The following RASAL1 variants were observed in gnomAD, a reference collection of about 807,000 sequenced individuals.
RASAL1 encodes rasGAP-activating-like protein 1.
In RASAL1, 72 loss-of-function variants were observed where a neutral mutation model predicts 96.6. That is an observed-to-expected ratio of 0.75 (90% CI 0.62 to 0.91). The LOEUF (loss-of-function observed/expected upper bound fraction) is 0.91, where lower values mean the gene tolerates loss of function less well. Among genes scored for constraint, RASAL1 ranks in the 40% least tolerant of loss-of-function variants. The pLI is 0.00. For missense variants in RASAL1, 1,016 were observed against 1,072.5 expected, an observed-to-expected ratio of 0.95 and a Z score of 0.74; for synonymous variants, 405 against 430.4, an observed-to-expected ratio of 0.94 and a Z score of 0.73.
At position 113,115,727 on chromosome 12, in the gene RASAL1, T is replaced by A. The variant is rs756669360; in HGVS notation, c.911A>T (p.Asp304Val). 3 of 1,613,754 alleles carry A rather than the reference T, an allele frequency of 1.9e-6. No homozygotes were observed. Among genetic ancestry groups the A allele is most frequent in the East Asian group, 4.5e-5 (2 of 44,874 alleles). The change falls in exon 10 of 21, where the codon GAC becomes GTC. Residue 304 changes from aspartate to valine, a missense_variant. Transcript: ENST00000548055. The surrounding 1 kb of genome is among the most constrained non-coding windows in gnomAD (Gnocchi z 4.1). Reference protein sequence around the residue: ...EELTLGDCRQDLATKLVKLFL... With the variant: ...EELTLGDCRQVLATKLVKLFL... ...GAGTTTCACCAGCTTGGTGGCAAGG[T>A]CCTGGCGGCAGTCCCCCAAGGTCAG...
At chr12:113,113,883 T>C (rs73207019) in intron 12 of RASAL1, among the ~76,000 whole-genome samples, 15,724 of 152,208 alleles carry the variant, frequency 0.1, 1,072 homozygotes, top group Middle Eastern at 0.19. Context: ...ACGATCTCCC[T>C]TGCAGGCAGG....
At chr12:113,119,324 T>C (rs1951203501) in intron 6 of RASAL1, 38 bp downstream of exon 6, 1 of 1,612,802 alleles carries the variant, frequency 6.2e-7, no homozygotes, top group Non-Finnish European at 8.5e-7. Context: ...CACCACCAAA[T>C]GCCCCACTCC....
chr12:113,109,731 G>A (rs1950799560), intron 13 of RASAL1, among the ~76,000 whole-genome samples: 1 of 152,206 alleles, frequency 6.6e-6, no homozygotes, highest in Admixed American at 6.5e-5. Flanking sequence ...CCCTGTAGGA[G>A]CTGGGTACCT....
chr12:113,099,778 A>T lies in RASAL1; in HGVS notation c.*151T>A. 1 of 1,143,310 alleles carries T rather than the reference A, an allele frequency of 8.7e-7. No homozygotes were observed. The highest frequency in any genetic ancestry group is 3.2e-4 in the Middle Eastern group (1 of 3,136). The allele number at this position is 1,143,310 out of a possible 1,614,324, so 70.8% of individuals were successfully genotyped here. On this transcript the variant is annotated 3_prime_UTR_variant, in exon 21 of 21. Coordinates refer to ENST00000548055, the MANE Select transcript of RASAL1 (RefSeq NM_001301202.2). ...AGGGCTTCCATGCCCTGAGTTCTGG[A>T]CTCAAGGCACACAGGACTAGGCACG...
intron 13 of RASAL1, among the ~76,000 whole-genome samples, chr12:113,111,679 T>A (rs1042005365): frequency 2.0e-5 from 3 of 152,170 alleles, no homozygotes; most frequent in African/African-American, 7.2e-5. Context: ...CTGCAACCTC[T>A]GTCTCCTGGC....
chr12:113,135,596 G>C lies in RASAL1; in HGVS notation c.-134C>G. ...CCAGTGCCGCCTGTCCGAGACCCGG[G>C]TAGCTGGATGGGAGATTTCCGAAAG... On this transcript the variant is annotated 5_prime_UTR_variant, in exon 1 of 21. Coordinates refer to ENST00000548055, the MANE Select transcript of RASAL1 (RefSeq NM_001301202.2). The surrounding 1 kb of genome is among the most constrained non-coding windows in gnomAD (Gnocchi z 5.7). 1 of 735,268 alleles carries C rather than the reference G, an allele frequency of 1.4e-6. No individual in the cohort carries two copies. Among genetic ancestry groups the C allele is most frequent in the South Asian group, 1.8e-5 (1 of 56,850 alleles). 45.5% of individuals were successfully genotyped at this position (735,268 alleles called of 1,614,324 possible).
At chr12:113,111,888 C>T (rs538651097) in intron 13 of RASAL1, among the ~76,000 whole-genome samples, 198 bp downstream of exon 13, 42 of 152,360 alleles carry the variant, frequency 2.8e-4, no homozygotes, top group African/African-American at 9.9e-4. Context: ...GCGTGAGCCA[C>T]TGCGCCCGGC....
At chr12:113,108,873 T>G (rs1950750129) in intron 13 of RASAL1, among the ~76,000 whole-genome samples, 1 of 149,994 alleles carries the variant, frequency 6.7e-6, no homozygotes, top group African/African-American at 2.5e-5. Context: ...CTTGCTCTGT[T>G]GTTCAGGCTG....
intron 16 of RASAL1, 123 bp downstream of exon 16, chr12:113,105,591 A>G (rs1252772286): frequency 9.3e-7 from 1 of 1,080,834 alleles, no homozygotes; most frequent in East Asian, 2.5e-5. Flanking sequence ...GTCGTTGTTA[A>G]GTTGCTATGG....
chr12:113,115,949 C>T lies in RASAL1; in HGVS notation c.834G>A (p.Val278=). 4 of 1,603,956 alleles carry T rather than the reference C, an allele frequency of 2.5e-6. No individual in the cohort carries two copies. Among genetic ancestry groups the T allele is most frequent in the Non-Finnish European group, 3.4e-6 (4 of 1,174,506 alleles). The part of the protein sequence containing the change: ...QPLMELLMES[V]QGPAEEDTAS... ...ACGCACCCACCTCTGCTGGCCCCTG[C>T]ACAGACTCCATGAGCAGCTCCATGA... Residue 278 remains valine (V), a synonymous_variant, in exon 9 of 21, where the codon GTG becomes GTA. Transcript: ENST00000548055. The surrounding 1 kb of genome is among the most constrained non-coding windows in gnomAD (Gnocchi z 4.1).
upstream of RASAL1, chr12:113,136,372 T>G (rs1387640715): frequency 6.6e-6 from 1 of 152,240 alleles, no homozygotes; most frequent in Non-Finnish European, 1.5e-5. Context: ...GTTTGAACAC[T>G]TCATGGGTGC....
chr12:113,103,050 G>T (rs186420346), intron 18 of RASAL1: 84 of 325,498 alleles, frequency 2.6e-4, no homozygotes, highest in African/African-American at 1.6e-3. Context: ...CTGAGGCTGG[G>T]TCAGAGGCAT....
In RASAL1 at chr12:113,115,245, G is replaced by T; in HGVS notation, c.1023C>A (p.Phe341Leu). The change falls in exon 11 of 21, where the codon TTC becomes TTA. Residue 341 changes from phenylalanine to leucine, a missense_variant. Transcript: ENST00000548055. This position sits in a 1 kb window ranked among gnomAD's most constrained non-coding sequence, Gnocchi z 4.1. ...VARTMDPNTLFRSNSLASKSM... is the reference protein window; with the variant it reads ...VARTMDPNTLLRSNSLASKSM... ...ACTTGGATGCCAGGGAGTTAGAACG[G>T]AAGAGGGTGTTGGGGTCCACTGGGA... 3 of 1,613,968 alleles carry T rather than the reference G, an allele frequency of 1.9e-6. No homozygotes were observed. The highest frequency in any genetic ancestry group is 2.5e-6 in the Non-Finnish European group (3 of 1,179,828).
rs1950377044 is a variant in RASAL1 at position 113,099,831 on chromosome 12, CAA to C, written c.*96_*97del. On this transcript the variant is annotated 3_prime_UTR_variant, in exon 21 of 21. Coordinates refer to ENST00000548055, the MANE Select transcript of RASAL1 (RefSeq NM_001301202.2). ...TCTGGGAGCCTCCAAACCACAGAATCAAAGAGGTCCAAGGAGACAGGAGACTC... is the reference window on the plus strand; with the variant it reads ...TCTGGGAGCCTCCAAACCACAGAATCAGAGGTCCAAGGAGACAGGAGACTC... The C allele has an allele frequency of 6.7e-7, 1 of 1,487,582 alleles. No homozygotes were observed. The highest frequency in any genetic ancestry group is 1.4e-5 in the African/African-American group (1 of 71,258). 92.1% of individuals were successfully genotyped at this position (1,487,582 alleles called of 1,614,324 possible).
intron 14 of RASAL1, 124 bp from the exon 15 acceptor site, chr12:113,107,365 G>T: frequency 8.5e-7 from 1 of 1,174,786 alleles, no homozygotes; most frequent in Non-Finnish European, 1.2e-6. Flanking sequence ...GCTCATGCCT[G>T]TAATCCCAGC....
At chr12:113,112,809 C>T (rs1950918624) in intron 12 of RASAL1, among the ~76,000 whole-genome samples, 1 of 152,072 alleles carries the variant, frequency 6.6e-6, no homozygotes, top group Admixed American at 6.6e-5. Context: ...AAAATTAGCC[C>T]AGCGTGGTGG....
In RASAL1 at chr12:113,115,009, G is replaced by A. The variant is rs115509344; in HGVS notation, c.1069-97C>T. 1.1e-4 allele frequency: 127 copies of A among 1,164,760 alleles called. 1 individual carries two copies. In the Admixed American group the frequency reaches 1.5e-3, roughly 14 times the overall value. The allele number at this position is 1,164,760 out of a possible 1,614,324, so 72.2% of individuals were successfully genotyped here. On this transcript the variant is annotated intron_variant, in intron 11 of 20. Coordinates refer to ENST00000548055, the MANE Select transcript of RASAL1 (RefSeq NM_001301202.2). This position sits in a 1 kb window ranked among gnomAD's most constrained non-coding sequence, Gnocchi z 4.1. ...GGGGGACCATGCAGGAAGAGGTTCA[G>A]AGAGAGGCCAGGGCTGGGGTAGGGG...
intron 5 of RASAL1, 45 bp downstream of exon 5, chr12:113,121,464 C>T (rs1463942109): frequency 6.2e-7 from 1 of 1,610,354 alleles, no homozygotes; most frequent in Non-Finnish European, 8.5e-7. Flanking sequence ...GGGACTCCTG[C>T]TCATTCTCAG....
chr12:113,127,046 G>A (rs911852255), intron 4 of RASAL1, among the ~76,000 whole-genome samples: 14 of 138,762 alleles, frequency 1.0e-4, no homozygotes, highest in South Asian at 4.7e-4. Flanking sequence ...GTTTGCTGCT[G>A]TTATTATTTT....
Sources: gnomAD v4.1 joint callset for allele counts (sites outside exome capture counted in the v4.1 genomes callset) on GRCh38, gnomAD v4.1.1 for gene constraint, Gnocchi (gnomAD v3.1) non-coding constraint, MANE v1.5 for transcripts, NCBI Gene and HGNC (gene_info 2026-07-23, HGNC 2026-07-21) for gene names.